ZNF704: variants seen among roughly 807,000 people sequenced by gnomAD.
The protein encoded by ZNF704 is glucocorticoid induced gene 1.
ZNF704 carries 10 observed loss-of-function variants against 44.7 expected under a neutral mutation model. The observed-to-expected ratio is 0.22, with a 90% confidence interval of 0.14 to 0.38. The LOEUF (loss-of-function observed/expected upper bound fraction) is 0.38. Ranked by LOEUF, ZNF704 falls within the 10% of genes least tolerant of loss-of-function variation. The probability of loss-of-function intolerance (pLI) is 1.00; values close to 1 mark genes in which losing one functional copy is unlikely to be tolerated. For synonymous variants in ZNF704, 211 were observed against 207.6 expected (o/e 1.02, Z -0.14); for missense variants, 390 against 545.5 (o/e 0.71, Z 2.84).
intron 4 of ZNF704, among the ~76,000 whole-genome samples, chr8:80,681,768 G>A (rs1818457456): frequency 6.6e-6 from 1 of 152,094 alleles, no homozygotes; most frequent in African/African-American, 2.4e-5. Flanking sequence ...GGGGACGTCT[G>A]GACATTTCTA....
rs998741479 is a variant in ZNF704 at position 80,633,070 on chromosome 8, C to T, written c.*8296G>A. 1 of 152,144 alleles carries T rather than the reference C, an allele frequency of 6.6e-6. No homozygotes were observed. Among genetic ancestry groups the T allele is most frequent in the East Asian group, 1.9e-4 (1 of 5,196 alleles). 9.4% of individuals were successfully genotyped at this position (152,144 alleles called of 1,614,324 possible). A position where few individuals can be genotyped will look rare whatever the true frequency, so the allele number is the denominator to read the frequency against. ...GAAATCCATTCATATATTGGACTGC[C>T]TTTTAATCATTCACAATGAAAGAAA... On this transcript the variant is annotated 3_prime_UTR_variant, in exon 9 of 9. Coordinates refer to ENST00000327835, the MANE Select transcript of ZNF704 (RefSeq NM_001033723.3).
intron 1 of ZNF704, among the ~76,000 whole-genome samples, chr8:80,830,571 T>G (rs1808452771): frequency 6.6e-6 from 1 of 152,012 alleles, no homozygotes; most frequent in Admixed American, 6.6e-5. Context: ...GTAGTAAGTT[T>G]ACTTAAAATT....
In ZNF704 at chr8:80,851,984, A is replaced by G. The variant is rs1278396786; in HGVS notation, c.-22+22587T>C. On this transcript the variant is annotated intron_variant, in intron 1 of 8. Coordinates refer to ENST00000327835, the MANE Select transcript of ZNF704 (RefSeq NM_001033723.3). ...AGAGAGTAAGGACTGAGGAAAAAAAAGTCTGTGTTCCTTTAGCCATACAAA... is the reference window on the plus strand; with the variant it reads ...AGAGAGTAAGGACTGAGGAAAAAAAGGTCTGTGTTCCTTTAGCCATACAAA... Among the ~76,000 whole-genome samples the G allele has an allele frequency of 3.3e-5, 5 of 152,186 alleles. No individual in the cohort carries two copies. In the East Asian group the frequency reaches 9.6e-4, roughly 29 times the overall value.
intron 1 of ZNF704, among the ~76,000 whole-genome samples, chr8:80,832,885 G>A (rs965104958): frequency 6.6e-6 from 1 of 152,088 alleles, no homozygotes; most frequent in Admixed American, 6.6e-5. Context: ...TAAAGAACTT[G>A]CTTTCATAAC....
intron 2 of ZNF704, among the ~76,000 whole-genome samples, chr8:80,717,907 CCTT>C (rs1392574585): frequency 5.3e-5 from 8 of 152,130 alleles, no homozygotes; most frequent in Admixed American, 5.2e-4. Context: ...AGAACTGTCT[CCTT>C]CTCTCTCACA....
At position 80,634,268 on chromosome 8, in the gene ZNF704, T is replaced by A. The variant is rs896714716; in HGVS notation, c.*7098A>T. ...CACTTTACGGGGCACAGCCTGGGCA[T>A]GCCAAAAGGAGGCAGAGTGAGAGAG... On this transcript the variant is annotated 3_prime_UTR_variant, in exon 9 of 9. Coordinates refer to ENST00000327835, the MANE Select transcript of ZNF704 (RefSeq NM_001033723.3). 4 of 152,266 alleles carry A rather than the reference T, an allele frequency of 2.6e-5. No individual in the cohort carries two copies. Among genetic ancestry groups the A allele is most frequent in the Admixed American group, 2.6e-4 (4 of 15,282 alleles). The allele number at this position is 152,266 out of a possible 1,614,324, so 9.4% of individuals were successfully genotyped here.
At chr8:80,806,734 G>GAC (rs1244745549) in intron 2 of ZNF704, among the ~76,000 whole-genome samples, 1 of 152,192 alleles carries the variant, frequency 6.6e-6, no homozygotes, top group Admixed American at 6.5e-5. Flanking sequence ...CCATGCCACA[G>GAC]ACACAGCCTT....
Position 80,666,461 on chromosome 8 carries a change from G to C in ZNF704, c.660-1379C>G, listed in dbSNP as rs544044354. ...TGTCTTTATAGCAGCATGATTTATAGTCATTTGGGTATATACCCAGTAATG... is the reference window on the plus strand; with the variant it reads ...TGTCTTTATAGCAGCATGATTTATACTCATTTGGGTATATACCCAGTAATG... On this transcript the variant is annotated intron_variant, in intron 5 of 8. Transcript: ENST00000327835. Among the ~76,000 whole-genome samples the C allele has an allele frequency of 1.3e-3, 189 of 148,438 alleles. 1 individual carries two copies. Among genetic ancestry groups the C allele is most frequent in the African/African-American group, 4.0e-3 (160 of 40,444 alleles).
chr8:80,652,902 T>C (rs1161098979), intron 7 of ZNF704, among the ~76,000 whole-genome samples: 1 of 152,156 alleles, frequency 6.6e-6, no homozygotes, highest in African/African-American at 2.4e-5. Context: ...TGATGAACAT[T>C]GATGCAAAAA....
At chr8:80,790,018 C>T (rs1197689702) in intron 2 of ZNF704, among the ~76,000 whole-genome samples, 5 of 152,068 alleles carry the variant, frequency 3.3e-5, no homozygotes, top group African/African-American at 9.7e-5. Context: ...CAAAGGTAGG[C>T]AAGGTGGGAA....
At chr8:80,695,044 C>A (rs956407093) in intron 2 of ZNF704, among the ~76,000 whole-genome samples, 1 of 152,166 alleles carries the variant, frequency 6.6e-6, no homozygotes, top group African/African-American at 2.4e-5. Context: ...AAAGATTTTA[C>A]AGTATTCACA....
At chr8:80,799,473 C>T (rs180954904) in intron 2 of ZNF704, among the ~76,000 whole-genome samples, 3 of 152,138 alleles carry the variant, frequency 2.0e-5, no homozygotes, top group Admixed American at 2.0e-4. Context: ...GATACAAGTG[C>T]CCAAAATAGC....
In ZNF704 at chr8:80,821,581, A is replaced by C. The variant is rs750767867; in HGVS notation, c.14T>G (p.Phe5Cys). ...GTCACGTTTTAAGTCCTCTGACTGA[A>C]ATGTGAAGGTCATTTCCCGCTTAAT... is the stretch of plus-strand genomic sequence containing the variant. The part of the protein sequence containing the change: MTFT[F>C]QSEDLKRDCG... Residue 5 changes from phenylalanine to cysteine, a missense_variant, in exon 2 of 9, where the codon TTT becomes TGT. Coordinates refer to ENST00000327835, the MANE Select transcript of ZNF704 (RefSeq NM_001033723.3). 82 of 1,613,378 alleles carry C rather than the reference A, an allele frequency of 5.1e-5. No individual in the cohort carries two copies. The highest frequency in any genetic ancestry group is 6.8e-5 in the Non-Finnish European group (80 of 1,179,884).
chr8:80,665,384 T>C (rs1451870795), intron 5 of ZNF704, among the ~76,000 whole-genome samples: 2 of 152,186 alleles, frequency 1.3e-5, no homozygotes, highest in Non-Finnish European at 2.9e-5. Context: ...GAATAAAATA[T>C]AGACTCCGCC....
rs142447026 is a variant in ZNF704, at chr8:80,644,761, G to A, written c.1033-1632C>T. On this transcript the variant is annotated intron_variant, in intron 7 of 8. Transcript: ENST00000327835. ...ACTCATCTGGCTGGGCTATGGTGGT[G>A]GTGGCTCTACTCAAGAAGCAAAGCA... 3.6e-3 allele frequency among the ~76,000 whole-genome samples: 551 copies of A among 152,248 alleles called. 3 individuals are homozygous for A. The highest frequency in any genetic ancestry group is 7.9e-3 in the African/African-American group (330 of 41,538).
chr8:80,858,900 T>C (rs1025367715), intron 1 of ZNF704, among the ~76,000 whole-genome samples: 7 of 152,212 alleles, frequency 4.6e-5, no homozygotes, highest in Admixed American at 4.6e-4. Flanking sequence ...TTCATATTCA[T>C]TGTAAAACTG....
At chr8:80,795,249 T>TA (rs1213559495) in intron 2 of ZNF704, among the ~76,000 whole-genome samples, 2 of 152,182 alleles carry the variant, frequency 1.3e-5, no homozygotes, top group Non-Finnish European at 2.9e-5. Flanking sequence ...TTTTTCTGTT[T>TA]AAAAAATATT....
chr8:80,687,480 C>A, intron 3 of ZNF704, 22 bp from the exon 4 acceptor site: 1 of 1,496,166 alleles, frequency 6.7e-7, no homozygotes, highest in Non-Finnish European at 8.9e-7. Context: ...CAAACACAGT[C>A]AGTGCCAGGA....
intron 1 of ZNF704, among the ~76,000 whole-genome samples, chr8:80,855,029 A>G (rs781720116): frequency 2.6e-5 from 4 of 152,170 alleles, no homozygotes; most frequent in Non-Finnish European, 4.4e-5. Flanking sequence ...CAATCCATAC[A>G]GTCTTTAAGT....
Sources: gnomAD v4.1 joint callset for allele counts (sites outside exome capture counted in the v4.1 genomes callset) on GRCh38, gnomAD v4.1.1 for gene constraint, MANE v1.5 for transcripts, NCBI Gene and HGNC (gene_info 2026-07-23, HGNC 2026-07-21) for gene names.